The following ITGB2 variants were observed in gnomAD, a reference collection of about 807,000 sequenced individuals.
The protein encoded by ITGB2 is integrin beta-2.
ITGB2 carries 56 observed loss-of-function variants against 86.8 expected under a neutral mutation model. That is an observed-to-expected ratio of 0.65 (90% CI 0.52 to 0.81). The LOEUF (loss-of-function observed/expected upper bound fraction) is 0.81, where lower values mean the gene tolerates loss of function less well. Among genes scored for constraint, ITGB2 ranks in the 30% least tolerant of loss-of-function variants. The pLI is 0.00. For missense variants in ITGB2, 948 were observed against 1,061.2 expected, an observed-to-expected ratio of 0.89 and a Z score of 1.48; for synonymous variants, 457 against 450.4, an observed-to-expected ratio of 1.01 and a Z score of -0.19.
At chr21:44,906,804 GGACACATGCCTTCTGGGCAGCCCT>G in intron 4 of ITGB2, 87 bp downstream of exon 4, 2 of 1,197,456 alleles carry the variant, frequency 1.7e-6, no homozygotes, top group Admixed American at 3.7e-5. Flanking sequence ...CGTCCGACCC[GGACACATGCCTTCTGGGCAGCCCT>G]GACACCCCAG....
At chr21:44,889,838 G>T in intron 12 of ITGB2, 140 bp downstream of exon 12, 1 of 1,273,448 alleles carries the variant, frequency 7.9e-7, no homozygotes, top group Non-Finnish European at 1.1e-6. Context: ...GCTGACGCCC[G>T]GTGGCTGGGC....
At chr21:44,919,303 CA>C (rs2084262764) in intron 1 of ITGB2, among the ~76,000 whole-genome samples, 1 of 152,238 alleles carries the variant, frequency 6.6e-6, no homozygotes, top group Non-Finnish European at 1.5e-5. Flanking sequence ...CTCTTCCCAG[CA>C]GAGGGACTCC....
chr21:44,913,571 A>G (rs77958571), intron 1 of ITGB2, among the ~76,000 whole-genome samples: 3,272 of 152,246 alleles, frequency 0.021, 98 homozygotes, highest in African/African-American at 0.064. Context: ...CTGGGGGCAC[A>G]AGAGAAGCCA....
chr21:44,908,845 A>G (rs1486670114), intron 3 of ITGB2, among the ~76,000 whole-genome samples: 1 of 152,234 alleles, frequency 6.6e-6, no homozygotes, highest in Non-Finnish European at 1.5e-5. Flanking sequence ...TGCTCCAGAA[A>G]GCAAGAAAGT....
In ITGB2 at chr21:44,895,883, T is replaced by TA. The variant is rs1555855780; in HGVS notation, c.994-824dup. On this transcript the variant is annotated intron_variant, in intron 8 of 15. Transcript: ENST00000652462. ...AATGAAATGAAATGAAATAAAAAAA[T>TA]AAATAAAATAAAATAAAATAAATAA... Among the ~76,000 whole-genome samples, 98 of 127,534 alleles carry TA rather than the reference T, an allele frequency of 7.7e-4. 1 individual carries two copies. The highest frequency in any genetic ancestry group is 3.5e-3 in the African/African-American group (90 of 25,982). The allele number at this position is 127,534 out of a possible 152,430, so 83.7% of individuals were successfully genotyped here.
chr21:44,897,702 G>A (rs1273897352), intron 8 of ITGB2, among the ~76,000 whole-genome samples: 3 of 152,160 alleles, frequency 2.0e-5, no homozygotes, highest in Non-Finnish European at 2.9e-5. Flanking sequence ...CCTGAAGAAC[G>A]GGGCACGTGG....
chr21:44,887,678 T>G (rs553044176), intron 14 of ITGB2, among the ~76,000 whole-genome samples: 3 of 152,274 alleles, frequency 2.0e-5, no homozygotes, highest in African/African-American at 4.8e-5. Context: ...GGACCTGCCT[T>G]CCTTCACCTG....
chr21:44,905,445 C>G (rs1240118195), intron 4 of ITGB2, among the ~76,000 whole-genome samples: 3 of 152,154 alleles, frequency 2.0e-5, no homozygotes, highest in Non-Finnish European at 4.4e-5. Context: ...CAAGGATGCC[C>G]CCACTCAGGC....
At position 44,888,710 on chromosome 21, in the gene ITGB2, T is replaced by C; in HGVS notation, c.2063A>G (p.Tyr688Cys). ...QQDGMDRYLI[Y>C]VDESRECVAG... ...GGCCTCACCTCGGCTCTCATCCACA[T>C]AGATGAGGTAGCGGTCCATCCCGTC... Residue 688 changes from tyrosine (Y) to cysteine (C), a missense_variant, in exon 14 of 16, where the codon TAT becomes TGT. Coordinates refer to ENST00000652462, the MANE Select transcript of ITGB2 (RefSeq NM_000211.5). The C allele has an allele frequency of 6.8e-6, 11 of 1,609,612 alleles. No homozygotes were observed. The highest frequency in any genetic ancestry group is 9.3e-6 in the Non-Finnish European group (11 of 1,179,914).
intron 9 of ITGB2, 182 bp from the exon 10 acceptor site, chr21:44,893,726 C>T: frequency 1.3e-6 from 1 of 760,044 alleles, no homozygotes; most frequent in Non-Finnish European, 2.2e-6. Context: ...GGGCCACAGT[C>T]CTGCCCTCGA....
intron 8 of ITGB2, among the ~76,000 whole-genome samples, chr21:44,896,830 A>T (rs1438500304): frequency 6.6e-6 from 1 of 152,274 alleles, no homozygotes. Context: ...AAGGCTCAGC[A>T]GTAGGCATGG....
In ITGB2 at chr21:44,893,455, C is replaced by A. The variant is rs747895476; in HGVS notation, c.1173G>T (p.Thr391=). ...AGTCACCTCTGGGCTGGTTCCTGTG[C>A]GTCACTCCATTGCTGCAGAAGGAGT... ...TYDSFCSNGV[T]HRNQPRGDCD... Residue 391 remains threonine, a synonymous_variant, in exon 10 of 16, where the codon ACG becomes ACT. Coordinates refer to ENST00000652462, the MANE Select transcript of ITGB2 (RefSeq NM_000211.5). 2 of 1,614,164 alleles carry A rather than the reference C, an allele frequency of 1.2e-6. No individual in the cohort carries two copies. Among genetic ancestry groups the A allele is most frequent in the East Asian group, 4.5e-5 (2 of 44,874 alleles).
At chr21:44,924,924 G>A (rs1455401741), upstream of ITGB2, among the ~76,000 whole-genome samples, 1 of 152,220 alleles carries the variant, frequency 6.6e-6, no homozygotes, top group Non-Finnish European at 1.5e-5. Context: ...GAGCAGGACA[G>A]TGGTTACCCC....
chr21:44,914,694 A>G (rs984818372), intron 1 of ITGB2, among the ~76,000 whole-genome samples: 15 of 152,224 alleles, frequency 9.9e-5, no homozygotes, highest in African/African-American at 3.6e-4. Flanking sequence ...AGGCCAAGGC[A>G]GGAGAATCAC....
upstream of ITGB2, among the ~76,000 whole-genome samples, chr21:44,924,123 ATC>A (rs2084342900): frequency 6.6e-6 from 1 of 152,060 alleles, no homozygotes; most frequent in African/African-American, 2.4e-5. Context: ...TCTCTAACAG[ATC>A]TCTCTCAGAA....
intron 10 of ITGB2, chr21:44,893,072 C>T: frequency 3.1e-6 from 1 of 324,746 alleles, no homozygotes; most frequent in Non-Finnish European, 6.0e-6. Context: ...GTGTGAAGAA[C>T]CCTCCCAGCA....
Position 44,910,745 on chromosome 21 carries a change from C to A in ITGB2, c.38G>T (p.Gly13Val). 1 of 1,614,028 alleles carries A rather than the reference C, an allele frequency of 6.2e-7. No homozygotes were observed. The highest frequency in any genetic ancestry group is 8.5e-7 in the Non-Finnish European group (1 of 1,179,980). Residue 13 changes from glycine (G) to valine (V), a missense_variant, in exon 2 of 16, where the codon GGG (glycine) becomes GTG (valine). Physicochemically the swap from Gly to Val is moderately radical, Grantham distance 109. Coordinates refer to ENST00000652462, the MANE Select transcript of ITGB2 (RefSeq NM_000211.5). ...CTCACCGCACCCGAGGGAGAGCAGC[C>A]CCACCAGGGCGAGCAGTGGGGGGCG... ...GLRPPLLALV[G>V]LLSLGCVLSQ...
chr21:44,905,456 G>T (rs905128752), intron 4 of ITGB2, among the ~76,000 whole-genome samples: 2 of 151,906 alleles, frequency 1.3e-5, no homozygotes, highest in African/African-American at 4.8e-5. Context: ...CCACTCAGGC[G>T]CACCCCCACC....
Position 44,910,767 on chromosome 21 carries a change from G to A in ITGB2, c.16C>T (p.Pro6Ser), listed in dbSNP as rs1216101621. Residue 6 changes from proline to serine, a missense_variant, in exon 2 of 16, where the codon CCC becomes TCC. By Grantham distance (74) the Pro-to-Ser change is moderately conservative. Coordinates refer to ENST00000652462, the MANE Select transcript of ITGB2 (RefSeq NM_000211.5). MLGLR[P>S]PLLALVGLLS... ...AGCCCCACCAGGGCGAGCAGTGGGG[G>A]GCGCAGGCCCAGCATGTCCTGTGGA... 1.2e-6 allele frequency: 2 copies of A among 1,613,852 alleles called. No individual in the cohort carries two copies. Among genetic ancestry groups the A allele is most frequent in the Admixed American group, 1.7e-5 (1 of 59,980 alleles).
Sources: gnomAD v4.1 joint callset for allele counts (sites outside exome capture counted in the v4.1 genomes callset) on GRCh38, gnomAD v4.1.1 for gene constraint, MANE v1.5 for transcripts, NCBI Gene and HGNC (gene_info 2026-07-23, HGNC 2026-07-21) for gene names.